CHST9: variants seen among roughly 807,000 people sequenced by gnomAD.
CHST9 encodes the protein carbohydrate sulfotransferase 9.
In CHST9, 41 loss-of-function variants were observed where a neutral mutation model predicts 44.4. The observed-to-expected ratio is 0.92, with a 90% confidence interval of 0.72 to 1.20. The LOEUF is 1.20. CHST9 is among the 50% of genes most tolerant of loss of function. The pLI is 0.00. For missense variants in CHST9, 504 were observed against 516.5 expected, an observed-to-expected ratio of 0.98 and a Z score of 0.23; for synonymous variants, 171 against 178.4, an observed-to-expected ratio of 0.96 and a Z score of 0.33.
intron 2 of CHST9, among the ~76,000 whole-genome samples, chr18:27,121,146 G>A (rs540088945): frequency 2.6e-5 from 4 of 152,104 alleles, no homozygotes; most frequent in African/African-American, 9.7e-5. Flanking sequence ...GGGACTACAG[G>A]CACCACACTT....
chr18:27,008,163 A>C (rs574332522), intron 4 of CHST9, among the ~76,000 whole-genome samples: 8 of 152,260 alleles, frequency 5.3e-5, no homozygotes, highest in African/African-American at 1.7e-4. Flanking sequence ...AATGAGAGCA[A>C]AGCATATTGG....
chr18:27,151,370 A>G (rs2058657821), intron 1 of CHST9, among the ~76,000 whole-genome samples: 1 of 152,084 alleles, frequency 6.6e-6, no homozygotes, highest in South Asian at 2.1e-4. Context: ...AGTTTCCTCA[A>G]AGGATAACAC....
chr18:27,152,269 G>A (rs2058665455), intron 1 of CHST9, among the ~76,000 whole-genome samples: 1 of 151,666 alleles, frequency 6.6e-6, no homozygotes, highest in African/African-American at 2.4e-5. Flanking sequence ...ACAACCCTTT[G>A]CCCTTATATT....
rs546496050 is a variant in CHST9 at position 27,163,706 on chromosome 18, A to T, written c.-96-20801T>A. On this transcript the variant is annotated intron_variant, in intron 1 of 5. Transcript: ENST00000618847. ...GGAGTGACCCTAATTTCCAGGTGCC[A>T]TCTGTCACCCCTTTCTTTGACTAGG... Among the ~76,000 whole-genome samples, 3 of 152,290 alleles carry T rather than the reference A, an allele frequency of 2.0e-5. No homozygotes were observed. In the South Asian group the frequency reaches 6.2e-4, roughly 32 times the overall value.
At chr18:27,091,069 T>C (rs2058063769) in intron 2 of CHST9, among the ~76,000 whole-genome samples, 1 of 152,234 alleles carries the variant, frequency 6.6e-6, no homozygotes, top group African/African-American at 2.4e-5. Context: ...TGATTCTTCC[T>C]ATTCATGAGC....
At chr18:27,018,305 C>T (rs1158874270) in intron 4 of CHST9, among the ~76,000 whole-genome samples, 5 of 152,154 alleles carry the variant, frequency 3.3e-5, no homozygotes, top group African/African-American at 1.2e-4. Flanking sequence ...ACTTGCTGAT[C>T]AGCTTATTAG....
At position 26,917,067 on chromosome 18, in the gene CHST9, T is replaced by C; in HGVS notation, c.524A>G (p.Gln175Arg). ...DNKWKKTEET[Q>R]EKRRSFLQEF... Reference sequence around the variant, plus strand: ...CTGAAGGAAAGACCTTCGTTTCTCTTGGGTCTCCTCAGTTTTCTTCCATTT... The same window carrying C: ...CTGAAGGAAAGACCTTCGTTTCTCTCGGGTCTCCTCAGTTTTCTTCCATTT... The change falls in exon 6 of 6, where the codon CAA (glutamine) becomes CGA (arginine). Residue 175 changes from glutamine to arginine, a missense_variant. Physicochemically the swap from Gln to Arg is conservative, Grantham distance 43 (BLOSUM62 1). Transcript: ENST00000618847. 1 of 1,613,986 alleles carries C rather than the reference T, an allele frequency of 6.2e-7. No homozygotes were observed. The highest frequency in any genetic ancestry group is 8.5e-7 in the Non-Finnish European group (1 of 1,179,892).
intron 4 of CHST9, among the ~76,000 whole-genome samples, chr18:26,972,968 T>C (rs1785533): frequency 0.35 from 52,782 of 152,094 alleles, 9,821 homozygotes; most frequent in East Asian, 0.47. Context: ...CCTCGTTTAC[T>C]GAAGCCAGCT....
chr18:27,007,458 G>A (rs1331448675), intron 4 of CHST9, among the ~76,000 whole-genome samples: 3 of 152,178 alleles, frequency 2.0e-5, no homozygotes, highest in Non-Finnish European at 4.4e-5. Flanking sequence ...ATAGGCAGGT[G>A]GTTACGTGGC....
rs570489284 is a variant in CHST9, at chr18:27,155,540, C to G, written c.-96-12635G>C. ...TGAACCTATCTGTTTATAACTTGTACTGGTTGTTCTAGTTGAGCTTTCTAG... is the reference window on the plus strand; with the variant it reads ...TGAACCTATCTGTTTATAACTTGTAGTGGTTGTTCTAGTTGAGCTTTCTAG... On this transcript the variant is annotated intron_variant, in intron 1 of 5. Transcript: ENST00000618847. Among the ~76,000 whole-genome samples, 116 of 152,292 alleles carry G rather than the reference C, an allele frequency of 7.6e-4. 2 individuals carry two copies. In the South Asian group the frequency reaches 0.014, roughly 19 times the overall value.
chr18:27,112,577 ACGTG>A (rs1248329260), intron 2 of CHST9, among the ~76,000 whole-genome samples: 2 of 81,412 alleles, frequency 2.5e-5, no homozygotes, highest in African/African-American at 9.7e-5. Flanking sequence ...GGGATATTCA[ACGTG>A]TGTGTGTGTG....
chr18:26,984,863 G>A (rs953580699), intron 4 of CHST9, among the ~76,000 whole-genome samples: 1 of 152,068 alleles, frequency 6.6e-6, no homozygotes, highest in Non-Finnish European at 1.5e-5. Context: ...TGTTAGTGAG[G>A]GTATAGATGA....
chr18:27,134,442 A>T (rs1275376790), intron 2 of CHST9, among the ~76,000 whole-genome samples: 1 of 152,216 alleles, frequency 6.6e-6, no homozygotes, highest in African/African-American at 2.4e-5. Context: ...AAATACAACC[A>T]GGACTACTGA....
intron 4 of CHST9, among the ~76,000 whole-genome samples, chr18:27,002,200 T>C (rs2056961836): frequency 6.6e-6 from 1 of 151,666 alleles, no homozygotes; most frequent in Non-Finnish European, 1.5e-5. Flanking sequence ...AACTGCAGAA[T>C]CCTACCTGGA....
intron 4 of CHST9, among the ~76,000 whole-genome samples, chr18:26,998,764 GAAA>G (rs2056916441): frequency 3.4e-5 from 5 of 145,422 alleles, no homozygotes; most frequent in African/African-American, 1.3e-4. Flanking sequence ...AAGAAAGAAA[GAAA>G]AAAAGAAATC....
intron 2 of CHST9, among the ~76,000 whole-genome samples, chr18:27,082,523 A>G (rs886738329): frequency 3.3e-5 from 5 of 152,122 alleles, no homozygotes; most frequent in Admixed American, 1.3e-4. Context: ...TCAGTGTAGC[A>G]CTCACCTTGC....
intron 3 of CHST9, among the ~76,000 whole-genome samples, chr18:27,043,832 C>T (rs570875131): frequency 1.8e-4 from 28 of 152,150 alleles, no homozygotes; most frequent in African/African-American, 3.9e-4. Context: ...CTCCATGGAA[C>T]GGCATAGATG....
chr18:26,994,273 T>C (rs2056859033), intron 4 of CHST9, among the ~76,000 whole-genome samples: 1 of 152,214 alleles, frequency 6.6e-6, no homozygotes, highest in Non-Finnish European at 1.5e-5. Flanking sequence ...AAGATAATGC[T>C]AGAAATGTGT....
At chr18:27,042,992 C>T (rs1184185653) in intron 3 of CHST9, among the ~76,000 whole-genome samples, 1 of 152,064 alleles carries the variant, frequency 6.6e-6, no homozygotes, top group Admixed American at 6.6e-5. Context: ...TAGATGTTTT[C>T]AGTGCTTATT....
Sources: allele counts gnomAD v4.1 joint callset (sites outside exome capture counted in the v4.1 genomes callset), GRCh38; gene constraint gnomAD v4.1.1; transcripts MANE v1.5; gene names NCBI Gene and HGNC (gene_info 2026-07-23, HGNC 2026-07-21).